The following FAM83B variants were observed in gnomAD, a reference collection of about 807,000 sequenced individuals.
FAM83B encodes protein FAM83B.
FAM83B carries 26 observed loss-of-function variants against 38.8 expected under a neutral mutation model. The ratio of observed to expected loss-of-function variants is 0.67; its 90% confidence interval spans 0.49 to 0.93. The LOEUF is 0.93. FAM83B is among the 40% of genes least tolerant of loss of function. The pLI, the probability that FAM83B is intolerant of heterozygous loss-of-function variation, is 0.00. For synonymous variants in FAM83B, 419 were observed against 423.1 expected, an observed-to-expected ratio of 0.99 and a Z score of 0.12; for missense variants, 1,237 against 1,197.3, an observed-to-expected ratio of 1.03 and a Z score of -0.49.
chr6:54,894,914 A>C (rs192914875), intron 2 of FAM83B, among the ~76,000 whole-genome samples: 1 of 152,342 alleles, frequency 6.6e-6, no homozygotes, highest in East Asian at 1.9e-4. Context: ...TAGCTTTTAC[A>C]GTGTCTTATG....
chr6:54,940,586 C>G lies in FAM83B; in HGVS notation c.1615C>G (p.Arg539Gly), dbSNP rs779244502. 1 of 1,614,024 alleles carries G rather than the reference C, an allele frequency of 6.2e-7. No homozygotes were observed. Among genetic ancestry groups the G allele is most frequent in the East Asian group, 2.2e-5 (1 of 44,868 alleles). ...GGCCAATGCCCTTTATACTCATTCTCGGCTTCGTTCCTCTTTAGTATTTAA... is the reference window on the plus strand; with the variant it reads ...GGCCAATGCCCTTTATACTCATTCTGGGCTTCGTTCCTCTTTAGTATTTAA... ...LKANALYTHS[R>G]LRSSLVFKPT... Residue 539 changes from arginine (R) to glycine (G), a missense_variant, in exon 5 of 5, where the codon CGG becomes GGG. Physicochemically the swap from Arg to Gly is moderately radical, Grantham distance 125. Coordinates refer to ENST00000306858, the MANE Select transcript of FAM83B (RefSeq NM_001010872.3).
chr6:54,868,524 G>T (rs1015896242), intron 1 of FAM83B, among the ~76,000 whole-genome samples: 2 of 152,116 alleles, frequency 1.3e-5, no homozygotes, highest in Non-Finnish European at 2.9e-5. Context: ...AGTAACAAAA[G>T]AAATTTTATT....
intron 2 of FAM83B, among the ~76,000 whole-genome samples, chr6:54,878,718 T>G: frequency 6.6e-6 from 1 of 152,176 alleles, no homozygotes; most frequent in East Asian, 1.9e-4. Context: ...TTGGCTATGA[T>G]TCCTGTAAAT....
At chr6:54,887,869 T>C (rs566353579) in intron 2 of FAM83B, among the ~76,000 whole-genome samples, 16 of 152,008 alleles carry the variant, frequency 1.1e-4, no homozygotes, top group African/African-American at 3.4e-4. Context: ...CTCTGTATGA[T>C]TATGGTATGT....
intron 2 of FAM83B, among the ~76,000 whole-genome samples, chr6:54,898,020 T>C (rs1772578314): frequency 6.6e-6 from 1 of 152,212 alleles, no homozygotes; most frequent in African/African-American, 2.4e-5. Context: ...TTTTTGGTTG[T>C]ATATAACTAA....
intron 2 of FAM83B, among the ~76,000 whole-genome samples, chr6:54,887,798 A>AAC (rs904135776): frequency 8.6e-5 from 13 of 151,072 alleles, no homozygotes; most frequent in African/African-American, 1.9e-4. Flanking sequence ...TGTCTTTGTA[A>AAC]ACACACACAC....
intron 1 of FAM83B, among the ~76,000 whole-genome samples, chr6:54,852,332 C>T (rs187948308): frequency 2.0e-5 from 3 of 152,296 alleles, no homozygotes; most frequent in Non-Finnish European, 2.9e-5. Context: ...TGATAATTCT[C>T]ACAATATTTC....
chr6:54,894,737 A>G (rs1185128829), intron 2 of FAM83B, among the ~76,000 whole-genome samples: 2 of 152,144 alleles, frequency 1.3e-5, no homozygotes, highest in African/African-American at 4.8e-5. Flanking sequence ...GGCCCTTAGA[A>G]TTTAGAATTC....
chr6:54,856,788 T>G (rs1156233902), intron 1 of FAM83B, among the ~76,000 whole-genome samples: 1 of 152,190 alleles, frequency 6.6e-6, no homozygotes, highest in Non-Finnish European at 1.5e-5. Flanking sequence ...TAGGCAGGCT[T>G]GATTACAAGT....
rs747332534 is a variant in FAM83B at position 54,941,800 on chromosome 6, T to C, written c.2829T>C (p.Ile943=). The C allele has an allele frequency of 6.2e-7, 1 of 1,614,124 alleles. No individual in the cohort carries two copies. The highest frequency in any genetic ancestry group is 8.5e-7 in the Non-Finnish European group (1 of 1,180,018). Residue 943 remains isoleucine, a synonymous_variant, in exon 5 of 5, where the codon ATT becomes ATC. Coordinates refer to ENST00000306858, the MANE Select transcript of FAM83B (RefSeq NM_001010872.3). The stretch of plus-strand genomic sequence containing the variant: ...GTCGTTTTGAGCCGTTTTGTAAGAT[T>C]GAGAGCTCTATTCAGCCAACAAGCA... ...VYSRFEPFCK[I]ESSIQPTSNM...
chr6:54,896,712 A>G (rs1481504104), intron 2 of FAM83B, among the ~76,000 whole-genome samples: 1 of 152,216 alleles, frequency 6.6e-6, no homozygotes, highest in Non-Finnish European at 1.5e-5. Context: ...ATAATACTAA[A>G]TTTAAATTAT....
At chr6:54,862,955 T>A (rs1771622181) in intron 1 of FAM83B, among the ~76,000 whole-genome samples, 1 of 151,466 alleles carries the variant, frequency 6.6e-6, no homozygotes, top group African/African-American at 2.4e-5. Flanking sequence ...TGCAAAAAAA[T>A]AAATAAATGA....
chr6:54,903,553 G>A (rs1014129422), intron 2 of FAM83B, among the ~76,000 whole-genome samples: 5 of 152,092 alleles, frequency 3.3e-5, no homozygotes, highest in Non-Finnish European at 7.4e-5. Context: ...GAGGTCTTGT[G>A]CATCTTTTTA....
At chr6:54,849,681 C>T (rs1771226036) in intron 1 of FAM83B, among the ~76,000 whole-genome samples, 1 of 149,746 alleles carries the variant, frequency 6.7e-6, no homozygotes, top group African/African-American at 2.5e-5. Flanking sequence ...GAAACTTTTC[C>T]TCTGGGGACA....
chr6:54,885,011 A>G (rs1772240940), intron 2 of FAM83B, among the ~76,000 whole-genome samples: 1 of 152,102 alleles, frequency 6.6e-6, no homozygotes, highest in African/African-American at 2.4e-5. Flanking sequence ...TGACCTCGTG[A>G]TCTGCCCGCC....
chr6:54,884,531 T>C lies in FAM83B; in HGVS notation c.444+13841T>C, dbSNP rs1772223166. On this transcript the variant is annotated intron_variant, in intron 2 of 4. Coordinates refer to ENST00000306858, the MANE Select transcript of FAM83B (RefSeq NM_001010872.3). The stretch of plus-strand genomic sequence containing the variant: ...TTTGCCTTCCCCAATATCAAGAAGA[T>C]GTTATCCTTAATTGACCTCTAGATG... Among the ~76,000 whole-genome samples, 3 of 150,350 alleles carry C rather than the reference T, an allele frequency of 2.0e-5. No individual in the cohort carries two copies. In the South Asian group the frequency reaches 6.4e-4, roughly 32 times the overall value.
intron 2 of FAM83B, among the ~76,000 whole-genome samples, chr6:54,883,120 A>AT (rs1159223840): frequency 6.6e-6 from 1 of 151,112 alleles, no homozygotes; most frequent in African/African-American, 2.4e-5. Flanking sequence ...TTGTTTTTGT[A>AT]TTTTTAGTAG....
intron 1 of FAM83B, among the ~76,000 whole-genome samples, chr6:54,865,694 G>A (rs1370931722): frequency 2.0e-5 from 3 of 151,956 alleles, no homozygotes; most frequent in Non-Finnish European, 2.9e-5. Context: ...TCGGACTTTT[G>A]ATTTAAAAAA....
At chr6:54,861,032 A>G (rs1010877843) in intron 1 of FAM83B, among the ~76,000 whole-genome samples, 2 of 152,188 alleles carry the variant, frequency 1.3e-5, no homozygotes, top group African/African-American at 4.8e-5. Flanking sequence ...TTGGCCTACC[A>G]AAGTGCTGGG....
Sources: allele counts gnomAD v4.1 joint callset (sites outside exome capture counted in the v4.1 genomes callset), GRCh38; gene constraint gnomAD v4.1.1; transcripts MANE v1.5; gene names NCBI Gene and HGNC (gene_info 2026-07-23, HGNC 2026-07-21).